The following BBS7 variants were observed in gnomAD, a reference collection of about 807,000 sequenced individuals.
BBS7 encodes the protein Bardet-Biedl syndrome 7.
BBS7 carries 50 observed loss-of-function variants against 90.3 expected under a neutral mutation model. The observed-to-expected ratio is 0.55, with a 90% CI of 0.44 to 0.70. BBS7 has a LOEUF of 0.70. BBS7 is among the 30% of genes least tolerant of loss of function. The pLI, the probability that BBS7 is intolerant of heterozygous loss-of-function variation, is 0.00. For missense variants in BBS7, 729 were observed against 838.9 expected (o/e 0.87, Z 1.62); for synonymous variants, 235 against 287.4 (o/e 0.82, Z 1.85).
rs543642219 is a variant in BBS7, at chr4:121,855,864, ATATATG to A, written c.529-309_529-304del. On this transcript the variant is annotated intron_variant, in intron 5 of 18. Coordinates refer to ENST00000264499, the MANE Select transcript of BBS7 (RefSeq NM_176824.3). ...TATACATATATGCACATGTATGTGT[ATATATG>A]TATATGTACATATATGTACATACAT... 4.4e-4 allele frequency among the ~76,000 whole-genome samples: 63 copies of A among 144,524 alleles called. 1 individual carries two copies. The highest frequency in any genetic ancestry group is 8.0e-4 in the Non-Finnish European group (54 of 67,644). The allele number at this position is 144,524 out of a possible 152,430, so 94.8% of individuals were successfully genotyped here.
intron 4 of BBS7, 101 bp from the exon 5 acceptor site, chr4:121,859,279 T>C: frequency 9.6e-7 from 1 of 1,046,374 alleles, no homozygotes; most frequent in Non-Finnish European, 1.5e-6. Context: ...AACATTTTAT[T>C]ATAGACTTAG....
At chr4:121,828,961 G>A (rs1388268695) in intron 15 of BBS7, among the ~76,000 whole-genome samples, 2 of 134,900 alleles carry the variant, frequency 1.5e-5, no homozygotes, top group African/African-American at 5.8e-5. Context: ...CTAAAGATGT[G>A]ACAATTTATA....
At chr4:121,858,756 T>C (rs926301368) in intron 5 of BBS7, 1 of 457,600 alleles carries the variant, frequency 2.2e-6, no homozygotes. Context: ...TCAGAAATTG[T>C]GTATGGTGAG....
intron 13 of BBS7, among the ~76,000 whole-genome samples, chr4:121,838,796 G>A (rs1046023574): frequency 6.6e-6 from 1 of 151,708 alleles, no homozygotes; most frequent in African/African-American, 2.4e-5. Flanking sequence ...TCAGGAGGCT[G>A]AGGCAGGAGA....
rs3805162 is a variant in BBS7, at chr4:121,868,113, T to C, written c.37-67A>G. The C allele has an allele frequency of 2.7e-4, 356 of 1,296,470 alleles. 3 individuals carry two copies. In the East Asian group the frequency reaches 4.8e-3, roughly 18 times the overall value. 80.3% of individuals were successfully genotyped at this position (1,296,470 alleles called of 1,614,324 possible). Reference sequence around the variant, plus strand: ...TTATTACAGAGATTAAAATAAGTTATAGTGAACCTTTTTGTTAAACTGAAA... The same window carrying C: ...TTATTACAGAGATTAAAATAAGTTACAGTGAACCTTTTTGTTAAACTGAAA... On this transcript the variant is annotated intron_variant, in intron 1 of 18. Transcript: ENST00000264499.
At chr4:121,868,976 T>G (rs1050740400) in intron 1 of BBS7, among the ~76,000 whole-genome samples, 1 of 152,158 alleles carries the variant, frequency 6.6e-6, no homozygotes, top group African/African-American at 2.4e-5. Context: ...AGATTTGTAT[T>G]TCTGAAACAT....
intron 1 of BBS7, 119 bp from the exon 2 acceptor site, chr4:121,868,165 T>G: frequency 1.2e-6 from 1 of 808,024 alleles, no homozygotes; most frequent in Non-Finnish European, 2.1e-6. Context: ...TATCAGTAAT[T>G]AATTTATTTT....
intron 12 of BBS7, among the ~76,000 whole-genome samples, chr4:121,842,315 T>C (rs1363181563): frequency 6.6e-6 from 1 of 151,182 alleles, no homozygotes; most frequent in Non-Finnish European, 1.5e-5. Flanking sequence ...TTACTTTATC[T>C]ACTCTTTTAT....
At chr4:121,840,000 T>A (rs1178267095) in intron 12 of BBS7, among the ~76,000 whole-genome samples, 1 of 152,214 alleles carries the variant, frequency 6.6e-6, no homozygotes, top group Non-Finnish European at 1.5e-5. Context: ...ACAATAACAT[T>A]TTTAAACATT....
At chr4:121,842,597 C>T (rs1039676539) in intron 12 of BBS7, among the ~76,000 whole-genome samples, 2 of 152,062 alleles carry the variant, frequency 1.3e-5, no homozygotes, top group African/African-American at 4.8e-5. Context: ...GATCACGCCA[C>T]TGCACTCCAG....
At chr4:121,869,373 T>C (rs1727461863) in intron 1 of BBS7, among the ~76,000 whole-genome samples, 1 of 152,186 alleles carries the variant, frequency 6.6e-6, no homozygotes, top group South Asian at 2.1e-4. Flanking sequence ...TTGATTCAAA[T>C]AGCCACTCCC....
chr4:121,848,972 T>TCCACAGATATATTAAAATAAG, intron 8 of BBS7, 44 bp from the exon 9 acceptor site: 1 of 1,402,276 alleles, frequency 7.1e-7, no homozygotes, highest in South Asian at 1.2e-5. Flanking sequence ...AACTAAAAAA[T>TCCACAGATATATTAAAATAAG]CCACAGATAT....
At chr4:121,866,685 G>A (rs538840474) in intron 2 of BBS7, among the ~76,000 whole-genome samples, 116 of 152,300 alleles carry the variant, frequency 7.6e-4, no homozygotes, top group African/African-American at 2.3e-3. Flanking sequence ...TGAAGAGGCT[G>A]TCCTTTCCCC....
At chr4:121,847,075 T>C (rs546993209) in intron 10 of BBS7, among the ~76,000 whole-genome samples, 2 of 152,226 alleles carry the variant, frequency 1.3e-5, no homozygotes, top group South Asian at 4.1e-4. Context: ...AATACAGCCA[T>C]CTGTGTTGAT....
chr4:121,855,628 A>ATTG, intron 5 of BBS7, 67 bp from the exon 6 acceptor site: 1 of 1,316,728 alleles, frequency 7.6e-7, no homozygotes, highest in Non-Finnish European at 1.1e-6. Flanking sequence ...ATTCATGAAT[A>ATTG]ACATCAATAT....
At chr4:121,862,822 A>C (rs1157596912) in intron 3 of BBS7, among the ~76,000 whole-genome samples, 6 of 152,324 alleles carry the variant, frequency 3.9e-5, no homozygotes, top group Admixed American at 2.6e-4. Flanking sequence ...AATTCTGCAA[A>C]CAACCACATG....
At position 121,833,413 on chromosome 4, in the gene BBS7, A is replaced by G; in HGVS notation, c.1512-18T>C. ...TCATGGGTCTGTAATATAATAGTAG[A>G]GGCGCACATTTATGTGTGGGAATAC... On this transcript the variant is annotated intron_variant, in intron 14 of 18. Coordinates refer to ENST00000264499, the MANE Select transcript of BBS7 (RefSeq NM_176824.3). The G allele has an allele frequency of 1.2e-6, 2 of 1,612,424 alleles. No homozygotes were observed. Among genetic ancestry groups the G allele is most frequent in the Non-Finnish European group, 8.5e-7 (1 of 1,178,512 alleles).
chr4:121,829,237 CTTTT>C (rs58186352), intron 15 of BBS7, among the ~76,000 whole-genome samples: 1 of 136,430 alleles, frequency 7.3e-6, no homozygotes. Context: ...CATTATTTTT[CTTTT>C]TTTTTTTTTT....
At chr4:121,844,022 AAAG>A (rs781445145) in intron 11 of BBS7, 21 bp from the exon 12 acceptor site, 30 of 1,510,492 alleles carry the variant, frequency 2.0e-5, no homozygotes, top group Middle Eastern at 1.8e-4. Context: ...TATTAAAAAA[AAAG>A]AAGGTTGAGA....
Sources: allele counts gnomAD v4.1 joint callset (sites outside exome capture counted in the v4.1 genomes callset), GRCh38; gene constraint gnomAD v4.1.1; transcripts MANE v1.5; gene names NCBI Gene and HGNC (gene_info 2026-07-23, HGNC 2026-07-21).